Variants in IL17REL observed in about 807,000 individuals in gnomAD.
IL17REL encodes the protein interleukin-17 receptor E-like protein.
Under a neutral mutation model 49.0 loss-of-function variants are expected in IL17REL, and 36 were observed. The observed-to-expected ratio is 0.73, with a 90% CI of 0.56 to 0.97. IL17REL has a LOEUF of 0.97. IL17REL is among the 50% of genes least tolerant of loss of function. IL17REL has a pLI of 0.00. For synonymous variants in IL17REL, 206 were observed against 192.4 expected (o/e 1.07, Z -0.58); for missense variants, 470 against 453.9 (o/e 1.04, Z -0.32).
At chr22:50,000,423 G>T in intron 4 of IL17REL, 55 bp downstream of exon 5, 1 of 1,375,300 alleles carries the variant, frequency 7.3e-7, no homozygotes, top group Non-Finnish European at 1.0e-6. Context: ...CCCACCCCAA[G>T]CCAGGCCCTG....
chr22:49,998,413 C>T (rs1296103682), intron 7 of IL17REL, 104 bp from the exon 10 acceptor site: 5 of 865,676 alleles, frequency 5.8e-6, no homozygotes, highest in Admixed American at 4.2e-5. Flanking sequence ...CAGGGTCCAG[C>T]GCAGTCCTAT....
chr22:50,001,075 C>T lies in IL17REL; in HGVS notation c.109+7G>A, dbSNP rs753618797. The T allele has an allele frequency of 2.5e-6, 4 of 1,572,514 alleles. No homozygotes were observed. The highest frequency in any genetic ancestry group is 2.3e-5 in the South Asian group (2 of 85,866). On this transcript the variant is annotated splice_region_variant and intron_variant, in intron 2 of 12. Transcript: ENST00000341280. ...TGTTAACTCCCACCCTCGAGGCCAC[C>T]TCTCACCATGCAGGGTGATGGAGGC... is the stretch of plus-strand genomic sequence containing the variant.
chr22:49,997,775 G>C (rs1464740881), intron 9 of IL17REL, 33 bp from the exon 12 acceptor site: 2 of 1,605,240 alleles, frequency 1.2e-6, no homozygotes, highest in Non-Finnish European at 1.7e-6. Context: ...CAGGAGGGTG[G>C]AGTGTGTGTG....
exon 12 of IL17REL, chr22:49,997,036 G>A (rs747743478): frequency 1.6e-5 from 25 of 1,560,670 alleles, no homozygotes; most frequent in Middle Eastern, 1.7e-4. Context: ...CCCTGGGAAG[G>A]TCTAGGAAGG....
At chr22:50,004,851 C>CAAAAA (rs137852) in intron 1 of IL17REL, among the ~76,000 whole-genome samples, 9 of 141,750 alleles carry the variant, frequency 6.3e-5, no homozygotes, top group African/African-American at 2.3e-4. Context: ...GACTCCATCT[C>CAAAAA]AAAAAAAAAA....
At chr22:49,998,110 C>A in intron 8 of IL17REL, 27 bp downstream of exon 10, 1 of 1,594,004 alleles carries the variant, frequency 6.3e-7, no homozygotes, top group Non-Finnish European at 8.5e-7. Context: ...CCATGCCCAC[C>A]CCCATCCCTG....
At chr22:50,012,271 G>A (rs568778274), upstream of IL17REL, among the ~76,000 whole-genome samples, 180 of 152,362 alleles carry the variant, frequency 1.2e-3, 1 homozygote, top group African/African-American at 4.1e-3. Context: ...CTTGCGGGCT[G>A]CCCTAGATTC....
At chr22:49,997,241 G>T in intron 11 of IL17REL, 79 bp downstream of exon 13, 1 of 1,481,550 alleles carries the variant, frequency 6.7e-7, no homozygotes, top group South Asian at 1.2e-5. Flanking sequence ...GTGGGGCAGA[G>T]ACCACCACAG....
chr22:49,997,507 C>T, intron 10 of IL17REL, 24 bp from the exon 13 acceptor site: 16 of 1,401,470 alleles, frequency 1.1e-5, no homozygotes, highest in Non-Finnish European at 1.6e-5. Context: ...AGGGTGAGAC[C>T]CCCATCCGGC....
exon 5 of IL17REL, chr22:49,999,905 C>G: frequency 6.5e-7 from 1 of 1,540,832 alleles, no homozygotes; most frequent in South Asian, 1.2e-5. Flanking sequence ...CTCCCGGAGG[C>G]CCTGGGCACT....
chr22:49,997,281 C>G (rs769465959), intron 11 of IL17REL, 39 bp downstream of exon 13: 1 of 1,589,390 alleles, frequency 6.3e-7, no homozygotes, highest in Non-Finnish European at 8.6e-7. Context: ...CGCCACCACC[C>G]CCACCTCCCC....
rs1481212789 is a variant in IL17REL at position 50,000,594 on chromosome 22, T to A, written c.220-2A>T. ...AAAGCAGCCAAAGTGCACTTGGAGC[T>A]GAGCAGGTGCAGGTGTGAGCTGCGT... On this transcript the variant is annotated splice_acceptor_variant, in intron 3 of 12. Coordinates refer to ENST00000341280, the Ensembl canonical transcript of IL17REL. LOFTEE classifies it high-confidence loss of function. 6.2e-7 allele frequency: 1 copy of A among 1,611,496 alleles called. No homozygotes were observed. The highest frequency in any genetic ancestry group is 1.7e-5 in the Admixed American group (1 of 60,024).
chr22:50,002,999 G>A (rs1016482796), intron 1 of IL17REL, among the ~76,000 whole-genome samples: 1 of 152,202 alleles, frequency 6.6e-6, no homozygotes. Context: ...GCCACTGTCT[G>A]GGGAGTGTTC....
chr22:49,999,257 A>T, intron 7 of IL17REL, 34 bp downstream of exon 9: 1 of 1,611,738 alleles, frequency 6.2e-7, no homozygotes, highest in South Asian at 1.1e-5. Context: ...AGCCATTCCC[A>T]CCCTTCCGCC....
At position 50,000,411 on chromosome 22, in the gene IL17REL, G is replaced by A. The variant is rs537590122; in HGVS notation, c.334+67C>T. The stretch of plus-strand genomic sequence containing the variant: ...AGGGCCAGGCCCCTGCCCTGGGCAA[G>A]TCCCACCCCAAGCCAGGCCCTGGAG... On this transcript the variant is annotated intron_variant, in intron 4 of 12. Transcript: ENST00000341280. 7.9e-5 allele frequency: 98 copies of A among 1,236,836 alleles called. 2 individuals are homozygous for A. The African/African-American group carries it at 1.0e-3, about 13-fold the overall frequency. The allele number at this position is 1,236,836 out of a possible 1,614,324, so 76.6% of individuals were successfully genotyped here. A position where few individuals can be genotyped will look rare whatever the true frequency, so the allele number is the denominator to read the frequency against.
At chr22:50,004,753 C>T (rs947002759) in intron 1 of IL17REL, among the ~76,000 whole-genome samples, 9 of 150,758 alleles carry the variant, frequency 6.0e-5, no homozygotes, top group African/African-American at 2.2e-4. Flanking sequence ...CCTAGCTACT[C>T]GGGAGGCTGA....
upstream of IL17REL, among the ~76,000 whole-genome samples, chr22:50,009,995 G>A (rs531957114): frequency 2.6e-5 from 4 of 152,256 alleles, no homozygotes; most frequent in African/African-American, 7.2e-5. Flanking sequence ...TCAGTCTGGT[G>A]TGGAATCACG....
At chr22:50,002,784 C>T (rs901924987) in intron 1 of IL17REL, among the ~76,000 whole-genome samples, 4 of 152,150 alleles carry the variant, frequency 2.6e-5, no homozygotes, top group Admixed American at 1.3e-4. Flanking sequence ...TGTGAGCCAC[C>T]ACGCCCAGCC....
At chr22:49,995,152 TCG>T (rs539959896) in exon 13 of IL17REL, 65 of 152,512 alleles carry the variant, frequency 4.3e-4, no homozygotes, top group African/African-American at 1.5e-3. Context: ...CTTGACCACC[TCG>T]GGCCTGATCA....
Sources: gnomAD v4.1 joint callset for allele counts (sites outside exome capture counted in the v4.1 genomes callset) on GRCh38, gnomAD v4.1.1 for gene constraint, MANE v1.5 for transcripts, NCBI Gene and HGNC (gene_info 2026-07-23, HGNC 2026-07-21) for gene names.